The following COL10A1 variants were observed in gnomAD, a reference collection of about 807,000 sequenced individuals.
COL10A1 encodes collagen type X alpha 1 chain, also known as collagen alpha-1(X) chain.
Under a neutral mutation model 18.2 loss-of-function variants are expected in COL10A1, and 10 were observed. The observed-to-expected ratio is 0.55, with a 90% CI of 0.34 to 0.93. COL10A1 has a LOEUF of 0.93. Among genes scored for constraint, COL10A1 ranks in the 40% least tolerant of loss-of-function variants. The probability of loss-of-function intolerance (pLI) is 0.02; values close to 1 mark genes in which losing one functional copy is unlikely to be tolerated. For synonymous variants in COL10A1, 330 were observed against 316.6 expected (o/e 1.04, Z -0.45); for missense variants, 897 against 853.5 (o/e 1.05, Z -0.64).
At chr6:116,180,606 C>T in the COL10A1 span, among the ~76,000 whole-genome samples, 23 of 152,150 alleles carry the variant, frequency 1.5e-4, no homozygotes, top group Admixed American at 5.9e-4. Flanking sequence ...ATAAGAAATA[C>T]ATTCTCTATA....
chr6:116,164,330 A>G, the COL10A1 span, among the ~76,000 whole-genome samples: 1 of 152,122 alleles, frequency 6.6e-6, no homozygotes, highest in African/African-American at 2.4e-5. Flanking sequence ...AGTCTTTATC[A>G]TGTATCATAC....
the COL10A1 span, among the ~76,000 whole-genome samples, chr6:116,166,541 G>A: frequency 6.6e-6 from 1 of 152,166 alleles, no homozygotes; most frequent in East Asian, 1.9e-4. Flanking sequence ...TGAGTGTTGG[G>A]CCATCAGAGA....
chr6:116,205,861 T>TAAA, the COL10A1 span, among the ~76,000 whole-genome samples: 1 of 151,988 alleles, frequency 6.6e-6, no homozygotes, highest in African/African-American at 2.4e-5. Context: ...CCTGCTGTTT[T>TAAA]CCTCATTATG....
At chr6:116,201,210 G>A in the COL10A1 span, among the ~76,000 whole-genome samples, 1 of 151,970 alleles carries the variant, frequency 6.6e-6, no homozygotes, top group African/African-American at 2.4e-5. Context: ...AGATAAAAAA[G>A]TTTAATATAG....
Position 116,121,055 on chromosome 6 carries a change from C to A in COL10A1, c.1061G>T (p.Ser354Ile). Residue 354 changes from serine to isoleucine, a missense_variant, in exon 3 of 3, where the codon AGC becomes ATC. Transcript: ENST00000651968. ...GPQGPKGIPG[S>I]HGLPGPKGET... ...ACCTTTAGGGCCTGGGAGACCATGGCTACCCGGGATGCCTTTTGGTCCTTG... is the reference window on the plus strand; with the variant it reads ...ACCTTTAGGGCCTGGGAGACCATGGATACCCGGGATGCCTTTTGGTCCTTG... 1 of 1,614,080 alleles carries A rather than the reference C, an allele frequency of 6.2e-7. No homozygotes were observed. Among genetic ancestry groups the A allele is most frequent in the Non-Finnish European group, 8.5e-7 (1 of 1,179,960 alleles).
At chr6:116,214,225 A>G in the COL10A1 span, among the ~76,000 whole-genome samples, 8 of 152,142 alleles carry the variant, frequency 5.3e-5, no homozygotes, top group African/African-American at 1.9e-4. Flanking sequence ...CTCAGAAATG[A>G]AAGTGAATGT....
At position 116,121,065 on chromosome 6, in the gene COL10A1, T is replaced by C; in HGVS notation, c.1051A>G (p.Ile351Val). The stretch of plus-strand genomic sequence containing the variant: ...CCTGGGAGACCATGGCTACCCGGGA[T>C]GCCTTTTGGTCCTTGGGGTCCCATA... ...GNMGPQGPKGIPGSHGLPGPK... is the reference protein window; with the variant it reads ...GNMGPQGPKGVPGSHGLPGPK... Residue 351 changes from isoleucine to valine, a missense_variant, in exon 3 of 3, where the codon ATC (isoleucine) becomes GTC (valine). Ile to Val is a conservative substitution (Grantham distance 29). Coordinates refer to ENST00000651968, the MANE Select transcript of COL10A1 (RefSeq NM_000493.4). 2 of 1,614,048 alleles carry C rather than the reference T, an allele frequency of 1.2e-6. No homozygotes were observed. Among genetic ancestry groups the C allele is most frequent in the Non-Finnish European group, 1.7e-6 (2 of 1,179,958 alleles).
intron 1 of COL10A1, among the ~76,000 whole-genome samples, chr6:116,153,172 A>G (rs1023558952): frequency 6.6e-6 from 1 of 151,948 alleles, no homozygotes; most frequent in Non-Finnish European, 1.5e-5. Flanking sequence ...ATACAACATA[A>G]TTTTTGAGTA....
At chr6:116,209,319 C>T in the COL10A1 span, among the ~76,000 whole-genome samples, 5 of 151,880 alleles carry the variant, frequency 3.3e-5, no homozygotes, top group African/African-American at 1.2e-4. Context: ...GTTTGCCAAC[C>T]TCTGGTCTTT....
Position 116,119,043 on chromosome 6 carries a change from A to T in COL10A1, c.*1030T>A, listed in dbSNP as rs1401705814. ...CCTAAAAATCTATTGATGTTATTTT[A>T]TTGCGTCGTAAATAAGGAGTAGGTA... On this transcript the variant is annotated 3_prime_UTR_variant, in exon 3 of 3. Transcript: ENST00000651968. 1 of 152,672 alleles carries T rather than the reference A, an allele frequency of 6.5e-6. No individual in the cohort carries two copies. Among genetic ancestry groups the T allele is most frequent in the East Asian group, 1.9e-4 (1 of 5,206 alleles). The allele number at this position is 152,672 out of a possible 1,614,324, so 9.5% of individuals were successfully genotyped here.
At chr6:116,172,984 A>AT in the COL10A1 span, among the ~76,000 whole-genome samples, 1 of 152,154 alleles carries the variant, frequency 6.6e-6, no homozygotes, top group Non-Finnish European at 1.5e-5. Context: ...AGATATCTTA[A>AT]TTTTTTTACA....
At chr6:116,213,101 A>G in the COL10A1 span, among the ~76,000 whole-genome samples, 1 of 152,138 alleles carries the variant, frequency 6.6e-6, no homozygotes, top group Non-Finnish European at 1.5e-5. Flanking sequence ...TAGATTATCT[A>G]TTGCTCCATA....
At chr6:116,161,039 T>C, upstream of COL10A1, among the ~76,000 whole-genome samples, 1 of 151,694 alleles carries the variant, frequency 6.6e-6, no homozygotes, top group African/African-American at 2.4e-5. Flanking sequence ...ATGTCCTTTG[T>C]AGGGACATGG....
chr6:116,203,117 G>A, the COL10A1 span, among the ~76,000 whole-genome samples: 4 of 151,902 alleles, frequency 2.6e-5, no homozygotes, highest in Non-Finnish European at 5.9e-5. Flanking sequence ...GTCACTTAAT[G>A]CAAATTTGAA....
chr6:116,119,800 A>C lies in COL10A1; in HGVS notation c.*273T>G. ...GTTTTTTGTTGTTTGTTTTTAACAT[A>C]GCAGGACTTCTTTGGTGATATTTTT... On this transcript the variant is annotated 3_prime_UTR_variant, in exon 3 of 3. Coordinates refer to ENST00000651968, the MANE Select transcript of COL10A1 (RefSeq NM_000493.4). 1 of 335,800 alleles carries C rather than the reference A, an allele frequency of 3.0e-6. No homozygotes were observed. Among genetic ancestry groups the C allele is most frequent in the Non-Finnish European group, 5.4e-6 (1 of 185,942 alleles). The allele number at this position is 335,800 out of a possible 1,614,324, so 20.8% of individuals were successfully genotyped here. A position where few individuals can be genotyped will look rare whatever the true frequency, so the allele number is the denominator to read the frequency against.
At chr6:116,202,193 A>T in the COL10A1 span, among the ~76,000 whole-genome samples, 1 of 151,982 alleles carries the variant, frequency 6.6e-6, no homozygotes, top group Non-Finnish European at 1.5e-5. Context: ...CCTCCATGTG[A>T]TGCAGGCTCC....
At chr6:116,204,224 AT>A in the COL10A1 span, among the ~76,000 whole-genome samples, 1 of 147,510 alleles carries the variant, frequency 6.8e-6, no homozygotes, top group Non-Finnish European at 1.5e-5. Flanking sequence ...TGTTTGTTGA[AT>A]TTTTATAATA....
upstream of COL10A1, among the ~76,000 whole-genome samples, chr6:116,161,575 C>G (rs1021409075): frequency 6.6e-6 from 1 of 151,846 alleles, no homozygotes; most frequent in Non-Finnish European, 1.5e-5. Context: ...CTATTCTGCT[C>G]CATTGATCTA....
At chr6:116,190,878 C>T in the COL10A1 span, among the ~76,000 whole-genome samples, 1 of 151,950 alleles carries the variant, frequency 6.6e-6, no homozygotes, top group Non-Finnish European at 1.5e-5. Context: ...CTGTGTGGTG[C>T]TTCTACATGG....
Sources: gnomAD v4.1 joint callset for allele counts (sites outside exome capture counted in the v4.1 genomes callset) on GRCh38, gnomAD v4.1.1 for gene constraint, MANE v1.5 for transcripts, NCBI Gene and HGNC (gene_info 2026-07-23, HGNC 2026-07-21) for gene names.